Variants in NFS1 observed in about 807,000 individuals in gnomAD.
NFS1 encodes NFS1 cysteine desulfurase, also known as cysteine desulfurase.
Under a neutral mutation model 57.3 loss-of-function variants are expected in NFS1, and 26 were observed. That is an observed-to-expected ratio of 0.45 (90% CI 0.33 to 0.63). The LOEUF is 0.63. NFS1 is among the 20% of genes least tolerant of loss of function. NFS1 has a pLI of 0.02. For missense variants in NFS1, 505 were observed against 605.8 expected (o/e 0.83, Z 1.75); for synonymous variants, 209 against 216.3 (o/e 0.97, Z 0.30).
In NFS1 at chr20:35,674,566, T is replaced by G; in HGVS notation, c.1000A>C (p.Met334Leu). 1 of 1,614,210 alleles carries G rather than the reference T, an allele frequency of 6.2e-7. No individual in the cohort carries two copies. Among genetic ancestry groups the G allele is most frequent in the Admixed American group, 1.7e-5 (1 of 60,026 alleles). The change falls in exon 9 of 13, where the codon ATG (methionine) becomes CTG (leucine). Residue 334 changes from methionine (M) to leucine (L), a missense_variant. Transcript: ENST00000374092. ...KLSERLIQNI[M>L]KSLPDVVMNG... is the part of the protein sequence containing the mutation. ...ATCACCACATCTGGAAGGCTCTTCA[T>G]TATATTCTGTATCAGCCGCTCTGAC...
intron 5 of NFS1, among the ~76,000 whole-genome samples, chr20:35,687,536 G>T (rs1220923468): frequency 1.3e-5 from 2 of 152,140 alleles, no homozygotes; most frequent in South Asian, 4.2e-4. Flanking sequence ...TCCTTACCCT[G>T]CCCCTTTGTC....
chr20:35,683,866 G>A (rs1344472399), intron 5 of NFS1, among the ~76,000 whole-genome samples: 3 of 150,424 alleles, frequency 2.0e-5, no homozygotes, highest in African/African-American at 5.0e-5. Context: ...GGTGGCTCAC[G>A]CCTGTAATCC....
intron 7 of NFS1, among the ~76,000 whole-genome samples, chr20:35,676,758 G>GAAAAAAAAAAAAAAGA (rs2034753852): frequency 5.5e-5 from 1 of 18,136 alleles, no homozygotes; most frequent in Non-Finnish European, 9.2e-5. Flanking sequence ...GAGAAAATCA[G>GAAAAAAAAAAAAAAGA]AAAAAAAAAA....
intron 4 of NFS1, 144 bp downstream of exon 4, chr20:35,696,233 C>A: frequency 2.9e-6 from 2 of 679,008 alleles, no homozygotes; most frequent in African/African-American, 1.8e-5. Context: ...AAGGAAGCAA[C>A]AAATCAGAAA....
chr20:35,688,106 C>T (rs1240013655), intron 5 of NFS1, among the ~76,000 whole-genome samples: 5 of 151,772 alleles, frequency 3.3e-5, no homozygotes, highest in African/African-American at 1.2e-4. Flanking sequence ...ATTAGCTGGG[C>T]GTGGTGGTGG....
chr20:35,695,063 T>C (rs994587135), intron 4 of NFS1, among the ~76,000 whole-genome samples: 2 of 152,220 alleles, frequency 1.3e-5, no homozygotes, highest in Non-Finnish European at 2.9e-5. Flanking sequence ...CTACCAATCA[T>C]GGAGATTAAA....
chr20:35,697,923 G>T (rs1486660277), intron 2 of NFS1, 123 bp from the exon 3 acceptor site: 2 of 613,748 alleles, frequency 3.3e-6, no homozygotes, highest in Non-Finnish European at 2.9e-6. Context: ...GCCTAGAGGA[G>T]GCCTCAAACA....
intron 12 of NFS1, among the ~76,000 whole-genome samples, chr20:35,670,332 C>T (rs1162086137): frequency 6.6e-6 from 1 of 152,208 alleles, no homozygotes; most frequent in Non-Finnish European, 1.5e-5. Context: ...ACAAGAGCTG[C>T]TGCTAAGAAA....
intron 5 of NFS1, among the ~76,000 whole-genome samples, chr20:35,683,248 C>T (rs1203858316): frequency 6.6e-6 from 1 of 151,984 alleles, no homozygotes; most frequent in Admixed American, 6.6e-5. Context: ...CTTTGGGAGG[C>T]GGAGGCGGGT....
At chr20:35,676,783 AAAC>A (rs1227938507) in intron 7 of NFS1, among the ~76,000 whole-genome samples, 31 of 121,772 alleles carry the variant, frequency 2.5e-4, no homozygotes, top group South Asian at 8.3e-4. Flanking sequence ...AAAAAAAAAA[AAAC>A]CAAGAAAGAA....
chr20:35,673,193 C>G (rs1431106348), intron 11 of NFS1, among the ~76,000 whole-genome samples: 1 of 151,888 alleles, frequency 6.6e-6, no homozygotes, highest in Non-Finnish European at 1.5e-5. Context: ...GAGGCTGAGG[C>G]AGGAGAATTG....
intron 4 of NFS1, among the ~76,000 whole-genome samples, chr20:35,695,963 C>G (rs565369183): frequency 6.6e-6 from 1 of 152,156 alleles, no homozygotes; most frequent in Non-Finnish European, 1.5e-5. Flanking sequence ...TCACTTGAAC[C>G]TGGGAGGTGG....
At chr20:35,681,798 T>C (rs555345214) in intron 6 of NFS1, 90 bp downstream of exon 6, 9 of 614,292 alleles carry the variant, frequency 1.5e-5, no homozygotes, top group South Asian at 1.3e-4. Flanking sequence ...ATTTCCTAAC[T>C]ACACTCCATA....
intron 5 of NFS1, among the ~76,000 whole-genome samples, chr20:35,687,623 C>G (rs1352987374): frequency 6.6e-6 from 1 of 152,186 alleles, no homozygotes; most frequent in East Asian, 1.9e-4. Flanking sequence ...TAGTGGTCCC[C>G]TGGGCCCAGC....
chr20:35,681,954 T>A lies in NFS1; in HGVS notation c.589A>T (p.Thr197Ser). ...ACAGTCATGACTGACACCAGGCTAG[T>A]ATCTGGCTGGATAGCAGCCTCTAGT... ...KELEAAIQPD[T>S]SLVSVMTVNN... is the part of the protein sequence containing the mutation. Residue 197 changes from threonine to serine, a missense_variant, in exon 6 of 13, where the codon ACT becomes TCT. Transcript: ENST00000374092. 10 of 1,612,242 alleles carry A rather than the reference T, an allele frequency of 6.2e-6. No individual in the cohort carries two copies. Among genetic ancestry groups the A allele is most frequent in the Non-Finnish European group, 8.5e-6 (10 of 1,178,330 alleles).
At chr20:35,680,120 T>A (rs181731743) in intron 7 of NFS1, among the ~76,000 whole-genome samples, 192 of 152,138 alleles carry the variant, frequency 1.3e-3, no homozygotes, top group African/African-American at 4.5e-3. Context: ...CTGGCTAACA[T>A]GGTGAAACCC....
intron 4 of NFS1, among the ~76,000 whole-genome samples, chr20:35,694,174 C>T (rs1237206922): frequency 9.9e-5 from 14 of 141,506 alleles, no homozygotes; most frequent in African/African-American, 3.2e-4. Context: ...GACAGAGTTT[C>T]GCCCTTGTTG....
chr20:35,674,903 G>A, intron 8 of NFS1, 142 bp downstream of exon 8: 2 of 1,127,296 alleles, frequency 1.8e-6, no homozygotes, highest in Non-Finnish European at 2.6e-6. Flanking sequence ...TCAGAACAAG[G>A]TGCCAGCAGC....
chr20:35,699,320 C>T lies in NFS1; in HGVS notation c.-32G>A, dbSNP rs1241363811. 3 of 1,395,366 alleles carry T rather than the reference C, an allele frequency of 2.1e-6. No individual in the cohort carries two copies. The highest frequency in any genetic ancestry group is 2.8e-6 in the Non-Finnish European group (3 of 1,081,002). 86.4% of individuals were successfully genotyped at this position (1,395,366 alleles called of 1,614,324 possible). On this transcript the variant is annotated 5_prime_UTR_variant, in exon 1 of 13. Transcript: ENST00000374092. This position sits in a 1 kb window ranked among gnomAD's most constrained non-coding sequence, Gnocchi z 4.4. Reference sequence around the variant, plus strand: ...GCTGGCAGAGCCCACCTTCCGAAGCCGCTGCAGTCCTGGGCCCCAGGCTCC... The same window carrying T: ...GCTGGCAGAGCCCACCTTCCGAAGCTGCTGCAGTCCTGGGCCCCAGGCTCC...
Sources: allele counts gnomAD v4.1 joint callset (sites outside exome capture counted in the v4.1 genomes callset), GRCh38; gene constraint gnomAD v4.1.1; non-coding constraint Gnocchi (gnomAD v3.1); transcripts MANE v1.5; gene names NCBI Gene and HGNC (gene_info 2026-07-23, HGNC 2026-07-21).